The following PKHD1L1 variants were observed in gnomAD, a reference collection of about 807,000 sequenced individuals.
PKHD1L1 encodes the protein PKHD1 like 1.
Under a neutral mutation model 462.9 loss-of-function variants are expected in PKHD1L1, and 434 were observed. The ratio of observed to expected loss-of-function variants is 0.94; its 90% CI spans 0.87 to 1.02. The LOEUF is 1.02. Ranked by LOEUF, PKHD1L1 falls within the 50% of genes least tolerant of loss-of-function variation. PKHD1L1 has a pLI of 0.00. For missense variants in PKHD1L1, 5,202 were observed against 5,096.1 expected (o/e 1.02, Z -0.63); for synonymous variants, 1,781 against 1,750.0 (o/e 1.02, Z -0.44).
rs71303459 is a variant in PKHD1L1, at chr8:109,410,726, C to CTTTTTTTTTTTTTTTTTTTTTTTTTTTTT, written c.2085+769_2085+770insTTTTTTTTTTTTTTTTTTTTTTTTTTTTT. Among the ~76,000 whole-genome samples, 46 of 68,388 alleles carry CTTTTTTTTTTTTTTTTTTTTTTTTTTTTT rather than the reference C, an allele frequency of 6.7e-4. 9 individuals carry two copies. The highest frequency in any genetic ancestry group is 2.5e-3 in the African/African-American group (31 of 12,264). 44.9% of individuals were successfully genotyped at this position (68,388 alleles called of 152,430 possible). Reference sequence around the variant, plus strand: ...TTCTTTTTTCTTTTCTTTTCTTTTTCTTTTTTTTTTTTTTTTTTTTTGAGA... The same window carrying CTTTTTTTTTTTTTTTTTTTTTTTTTTTTT: ...TTCTTTTTTCTTTTCTTTTCTTTTTCTTTTTTTTTTTTTTTTTTTTTTTTTTTTTTTTTTTTTTTTTTTTTTTTTTGAGA... On this transcript the variant is annotated intron_variant, in intron 19 of 77. Coordinates refer to ENST00000378402, the MANE Select transcript of PKHD1L1 (RefSeq NM_177531.6).
In PKHD1L1 at chr8:109,394,430, A is replaced by G; in HGVS notation, c.756A>G (p.Lys252=). 1 of 1,516,320 alleles carries G rather than the reference A, an allele frequency of 6.6e-7. No individual in the cohort carries two copies. Among genetic ancestry groups the G allele is most frequent in the African/African-American group, 1.4e-5 (1 of 71,650 alleles). 93.9% of individuals were successfully genotyped at this position (1,516,320 alleles called of 1,614,324 possible). Residue 252 remains lysine (K), a synonymous_variant, in exon 10 of 78, where the codon AAA becomes AAG. Coordinates refer to ENST00000378402, the MANE Select transcript of PKHD1L1 (RefSeq NM_177531.6). ...TTTTTAACAGGAGTTTTCCACAGAA[A>G]ATGGCATATTTTGTTTCTTCTCTCA... The part of the protein sequence containing the change: ...DNDYGRSFPQ[K]MAYFVSSLNK...
In PKHD1L1 at chr8:109,452,874, G is replaced by A; in HGVS notation, c.6664G>A (p.Gly2222Ser). The A allele has an allele frequency of 1.4e-6, 2 of 1,411,994 alleles. No individual in the cohort carries two copies. The highest frequency in any genetic ancestry group is 3.6e-5 in the South Asian group (2 of 55,968). 87.5% of individuals were successfully genotyped at this position (1,411,994 alleles called of 1,614,324 possible). The change falls in exon 43 of 78, where the codon GGT becomes AGT. Residue 2222 changes from glycine (G) to serine (S), a missense_variant and splice_region_variant. Transcript: ENST00000378402. ...TATTTTGAAAATGTTGCTTATTCAG[G>A]GTAAATTTCTGAATATCTGTTCATT... ...TPILKMLLIQ[G>S]GTLIFDEADI...
chr8:109,398,386 C>G, intron 11 of PKHD1L1, 73 bp from the exon 12 acceptor site: 1 of 956,226 alleles, frequency 1.0e-6, no homozygotes, highest in South Asian at 1.4e-5. Context: ...TGCAAAAGTG[C>G]TTAAAGATAC....
chr8:109,515,697 T>C (rs1820234072), intron 72 of PKHD1L1, among the ~76,000 whole-genome samples: 1 of 152,146 alleles, frequency 6.6e-6, no homozygotes, highest in African/African-American at 2.4e-5. Context: ...TTGGCAGTCA[T>C]AAGAATTATT....
chr8:109,379,285 G>C (rs559978672), intron 2 of PKHD1L1, among the ~76,000 whole-genome samples: 2 of 152,256 alleles, frequency 1.3e-5, no homozygotes, highest in Admixed American at 6.5e-5. Context: ...TATGGGCTTT[G>C]CTTCCTCTTT....
At chr8:109,407,654 A>G (rs769027427) in intron 17 of PKHD1L1, among the ~76,000 whole-genome samples, 2 of 152,208 alleles carry the variant, frequency 1.3e-5, no homozygotes, top group Non-Finnish European at 2.9e-5. Context: ...ATTCATGTCT[A>G]AAGAAAATAG....
In PKHD1L1 at chr8:109,433,112, A is replaced by G. The variant is rs371969882; in HGVS notation, c.3236A>G (p.Tyr1079Cys). Residue 1079 changes from tyrosine to cysteine, a missense_variant, in exon 28 of 78, where the codon TAT becomes TGT. Physicochemically the swap from Tyr to Cys is radical, Grantham distance 194. Transcript: ENST00000378402. ...TTAAATTGATCATTTTTAGGGTCCT[A>G]TGAAGAAGGCACAATTCTAACCATA... ...VLAISPSQGS[Y>C]EEGTILTIVG... The G allele has an allele frequency of 1.7e-5, 27 of 1,609,252 alleles. No homozygotes were observed. The highest frequency in any genetic ancestry group is 7.7e-5 in the South Asian group (7 of 90,340).
At chr8:109,520,776 A>C (rs983078890) in intron 73 of PKHD1L1, among the ~76,000 whole-genome samples, 3 of 121,398 alleles carry the variant, frequency 2.5e-5, no homozygotes, top group African/African-American at 1.0e-4. Context: ...ATTTATGAGC[A>C]GACAGTCCTA....
intron 58 of PKHD1L1, among the ~76,000 whole-genome samples, chr8:109,485,542 G>A (rs551043309): frequency 6.6e-6 from 1 of 151,946 alleles, no homozygotes; most frequent in African/African-American, 2.4e-5. Flanking sequence ...AGCGGTAAAT[G>A]CATTTAGACA....
At chr8:109,417,609 T>A (rs182671676) in intron 21 of PKHD1L1, among the ~76,000 whole-genome samples, 93 of 152,214 alleles carry the variant, frequency 6.1e-4, no homozygotes, top group Non-Finnish European at 1.0e-3. Flanking sequence ...AGTGGTGTGA[T>A]CTCAGCTCAC....
chr8:109,436,059 C>T (rs1292099239), intron 29 of PKHD1L1, among the ~76,000 whole-genome samples: 1 of 152,190 alleles, frequency 6.6e-6, no homozygotes, highest in Non-Finnish European at 1.5e-5. Context: ...ATAGCAGATG[C>T]TGCTACCAAT....
chr8:109,395,491 T>C (rs1490525652), intron 10 of PKHD1L1, among the ~76,000 whole-genome samples: 1 of 152,244 alleles, frequency 6.6e-6, no homozygotes, highest in East Asian at 1.9e-4. Flanking sequence ...GAAATTCATA[T>C]GTAAGAATAC....
chr8:109,391,339 C>T (rs561489032), intron 9 of PKHD1L1, among the ~76,000 whole-genome samples: 4 of 152,232 alleles, frequency 2.6e-5, no homozygotes, highest in South Asian at 2.1e-4. Flanking sequence ...CATTTTATTC[C>T]AGTGCTTTGC....
intron 46 of PKHD1L1, among the ~76,000 whole-genome samples, chr8:109,458,894 G>A (rs1816962760): frequency 6.6e-6 from 1 of 152,088 alleles, no homozygotes; most frequent in African/African-American, 2.4e-5. Flanking sequence ...CTAAAATGCA[G>A]GTTAGAACCT....
chr8:109,481,906 TG>T, intron 56 of PKHD1L1, among the ~76,000 whole-genome samples: 1 of 151,958 alleles, frequency 6.6e-6, no homozygotes, highest in South Asian at 2.1e-4. Context: ...GTTTTCTTTA[TG>T]TAAGCAATAC....
intron 70 of PKHD1L1, among the ~76,000 whole-genome samples, chr8:109,509,302 G>T (rs1318494941): frequency 6.6e-6 from 1 of 151,952 alleles, no homozygotes; most frequent in Non-Finnish European, 1.5e-5. Context: ...AATGAATAAT[G>T]GAGTAATAGA....
At chr8:109,395,999 T>A (rs773793559) in intron 10 of PKHD1L1, 28 bp from the exon 11 acceptor site, 1 of 1,442,808 alleles carries the variant, frequency 6.9e-7, no homozygotes, top group Non-Finnish European at 9.6e-7. Flanking sequence ...ATATTTATGA[T>A]ATTTTATTTA....
chr8:109,519,278 G>A (rs1820429413), intron 73 of PKHD1L1, among the ~76,000 whole-genome samples: 1 of 151,964 alleles, frequency 6.6e-6, no homozygotes, highest in Non-Finnish European at 1.5e-5. Flanking sequence ...AATCTCTGCT[G>A]GCTGAAATCA....
intron 16 of PKHD1L1, 41 bp from the exon 17 acceptor site, chr8:109,406,294 C>A: frequency 2.0e-6 from 3 of 1,515,180 alleles, no homozygotes. Context: ...AAGATTTCAA[C>A]TTTTCTGTTT....
Sources: gnomAD v4.1 joint callset for allele counts (sites outside exome capture counted in the v4.1 genomes callset) on GRCh38, gnomAD v4.1.1 for gene constraint, MANE v1.5 for transcripts, NCBI Gene and HGNC (gene_info 2026-07-23, HGNC 2026-07-21) for gene names.